The following JAKMIP3 variants were observed in gnomAD, a reference collection of about 807,000 sequenced individuals.
JAKMIP3 encodes janus kinase and microtubule-interacting protein 3.
In JAKMIP3, 58 loss-of-function variants were observed where a neutral mutation model predicts 118.5. That is an observed-to-expected ratio of 0.49 (90% CI 0.40 to 0.61). The LOEUF (loss-of-function observed/expected upper bound fraction) is 0.61. JAKMIP3 is among the 20% of genes least tolerant of loss of function. The pLI, the probability that JAKMIP3 is intolerant of heterozygous loss-of-function variation, is 0.00. For synonymous variants in JAKMIP3, 486 were observed against 451.2 expected, an observed-to-expected ratio of 1.08 and a Z score of -0.98; for missense variants, 950 against 1,109.0, an observed-to-expected ratio of 0.86 and a Z score of 2.04.
chr10:132,126,320 C>T (rs1408563151), intron 3 of JAKMIP3, among the ~76,000 whole-genome samples: 15 of 144,884 alleles, frequency 1.0e-4, no homozygotes, highest in African/African-American at 3.4e-4. Context: ...TTTTTTTTTC[C>T]TGGACACGGT....
At chr10:132,059,661 C>T (rs550814191) in intron 1 of JAKMIP3, among the ~76,000 whole-genome samples, 1 of 152,348 alleles carries the variant, frequency 6.6e-6, no homozygotes, top group East Asian at 1.9e-4. Context: ...AGGATCGCAG[C>T]AGGCGCTTAG....
chr10:132,114,653 A>G (rs898119200), intron 2 of JAKMIP3, among the ~76,000 whole-genome samples: 3 of 152,246 alleles, frequency 2.0e-5, no homozygotes, highest in South Asian at 2.1e-4. Flanking sequence ...AAGCTTCTAT[A>G]CATTGAATTG....
rs1432337561 is a variant in JAKMIP3 at position 132,135,153 on chromosome 10, A to G, written c.962A>G (p.Asn321Ser). The G allele has an allele frequency of 1.9e-6, 3 of 1,607,330 alleles. No individual in the cohort carries two copies. Among genetic ancestry groups the G allele is most frequent in the African/African-American group, 1.3e-5 (1 of 74,990 alleles). ...DRNALLSEERNELLKRVREAE... is the reference protein window; with the variant it reads ...DRNALLSEERSELLKRVREAE... ...AATGCATTGCTGTCGGAAGAGAGGA[A>G]TGAGCTGGTGAGCGCGGGCGGGGGC... The change falls in exon 5 of 24, where the codon AAT becomes AGT. Residue 321 changes from asparagine to serine, a missense_variant. Transcript: ENST00000684848.
At chr10:132,175,975 G>C (rs893820467) in intron 23 of JAKMIP3, among the ~76,000 whole-genome samples, 6 of 152,366 alleles carry the variant, frequency 3.9e-5, no homozygotes, top group African/African-American at 1.4e-4. Flanking sequence ...CTTTGGGGCT[G>C]TCCCCTCCCA....
chr10:132,180,840 T>C (rs2061340214), intron 23 of JAKMIP3, among the ~76,000 whole-genome samples: 1 of 151,340 alleles, frequency 6.6e-6, no homozygotes, highest in Admixed American at 6.6e-5. Flanking sequence ...ATATATCGTG[T>C]GCATGTGTGT....
rs985425481 is a variant in JAKMIP3 at position 132,145,535 on chromosome 10, A to G, written c.1704A>G (p.Glu568=). ...TTTGCAAGGATATGAAGTGGATTGA[A>G]GAGAAGCAGGCACTGTACCGGAGAA... The part of the protein sequence containing the change: ...AEQGQDMKWI[E]EKQALYRRNQ... Residue 568 remains glutamate, a synonymous_variant, in exon 13 of 24, where the codon GAA becomes GAG. Transcript: ENST00000684848. 6.4e-7 allele frequency: 1 copy of G among 1,562,626 alleles called. No individual in the cohort carries two copies. The highest frequency in any genetic ancestry group is 8.7e-7 in the Non-Finnish European group (1 of 1,153,318).
chr10:132,135,300 G>C, intron 5 of JAKMIP3, 140 bp downstream of exon 5: 1 of 861,794 alleles, frequency 1.2e-6, no homozygotes, highest in Middle Eastern at 3.6e-4. Flanking sequence ...TCTCCTGACT[G>C]TGTTCCAGTT....
intron 3 of JAKMIP3, among the ~76,000 whole-genome samples, chr10:132,119,486 G>A (rs991099203): frequency 2.0e-5 from 3 of 152,106 alleles, no homozygotes; most frequent in East Asian, 1.9e-4. Flanking sequence ...TTCAAAAACC[G>A]TCTCCCCCTT....
chr10:132,165,417 C>A lies in JAKMIP3; in HGVS notation c.2490+682C>A, dbSNP rs758574482. Among the ~76,000 whole-genome samples the A allele has an allele frequency of 5.8e-4, 88 of 152,308 alleles. 1 individual carries two copies. Among genetic ancestry groups the A allele is most frequent in the Non-Finnish European group, 1.1e-3 (72 of 68,030 alleles). ...TGTCTGGGGGTGACAGTGTTCACTCCATTGTGATTGGTCCTGGGGGCCCGG... is the reference window on the plus strand; with the variant it reads ...TGTCTGGGGGTGACAGTGTTCACTCAATTGTGATTGGTCCTGGGGGCCCGG... On this transcript the variant is annotated intron_variant, in intron 21 of 23. Coordinates refer to ENST00000684848, the MANE Select transcript of JAKMIP3 (RefSeq NM_001323087.2).
At chr10:132,172,991 CT>C in intron 23 of JAKMIP3, among the ~76,000 whole-genome samples, 5 of 32,816 alleles carry the variant, frequency 1.5e-4, no homozygotes, top group South Asian at 1.1e-3. Flanking sequence ...CTCTCTCTCT[CT>C]CTCCTTCCCT....
Position 132,171,648 on chromosome 10 carries a change from C to CTTTTTT in JAKMIP3, c.*1103+2618_*1103+2619insTTTTTT, listed in dbSNP as rs1324091102. Reference sequence around the variant, plus strand: ...CCTGATGTCCCTGTCTTATTTTTTTCTTTCTTTTTTTTTTTTTTTTTTGAG... The same window carrying CTTTTTT: ...CCTGATGTCCCTGTCTTATTTTTTTCTTTTTTTTTCTTTTTTTTTTTTTTTTTTGAG... On this transcript the variant is annotated intron_variant, in intron 23 of 23. Transcript: ENST00000684848. 2.4e-5 allele frequency among the ~76,000 whole-genome samples: 3 copies of CTTTTTT among 125,584 alleles called. No homozygotes were observed. In the South Asian group the frequency reaches 7.2e-4, roughly 30 times the overall value. 82.4% of individuals were successfully genotyped at this position (125,584 alleles called of 152,430 possible). A position where few individuals can be genotyped will look rare whatever the true frequency, so the allele number is the denominator to read the frequency against.
intron 1 of JAKMIP3, among the ~76,000 whole-genome samples, chr10:132,047,329 A>G (rs2037947872): frequency 2.6e-5 from 4 of 152,214 alleles, no homozygotes; most frequent in African/African-American, 9.6e-5. Context: ...CTGGTGCAGC[A>G]TTACTGCGTT....
intron 3 of JAKMIP3, among the ~76,000 whole-genome samples, chr10:132,120,803 A>T (rs1467706316): frequency 3.3e-5 from 5 of 152,118 alleles, no homozygotes; most frequent in Non-Finnish European, 5.9e-5. Flanking sequence ...TTATGAGAGA[A>T]CACCCCGGCC....
chr10:132,171,280 G>C (rs1022679246), intron 23 of JAKMIP3, among the ~76,000 whole-genome samples: 3 of 152,196 alleles, frequency 2.0e-5, no homozygotes, highest in Admixed American at 6.5e-5. Context: ...TGTCAGGAAA[G>C]AGCTACTACC....
chr10:132,151,811 C>T (rs61864447), intron 16 of JAKMIP3, among the ~76,000 whole-genome samples: 5,346 of 152,186 alleles, frequency 0.035, 254 homozygotes, highest in African/African-American at 0.12. Flanking sequence ...TGTCACAGAG[C>T]CCAGGGACAG....
At position 132,112,638 on chromosome 10, in the gene JAKMIP3, C is replaced by T. The variant is rs867930443; in HGVS notation, c.136-4439C>T. Among the ~76,000 whole-genome samples the T allele has an allele frequency of 2.0e-5, 3 of 152,186 alleles. No individual in the cohort carries two copies. Among genetic ancestry groups the T allele is most frequent in the African/African-American group, 7.2e-5 (3 of 41,448 alleles). ...GAAGTCTCCTGCCTTCCCCTGGGGA[C>T]TGTCTGCTTATTACTGTGGGTACCT... is the stretch of plus-strand genomic sequence containing the variant. On this transcript the variant is annotated intron_variant, in intron 2 of 23. Transcript: ENST00000684848. This position sits in a 1 kb window ranked among gnomAD's most constrained non-coding sequence, Gnocchi z 4.3.
intron 9 of JAKMIP3, among the ~76,000 whole-genome samples, chr10:132,139,372 G>A (rs1328024676): frequency 1.0e-5 from 1 of 95,726 alleles, no homozygotes; most frequent in Non-Finnish European, 2.2e-5. Context: ...GTCTGTACGT[G>A]TGTGAGTATG....
In JAKMIP3 at chr10:132,182,931, T is replaced by G. The variant is rs1590075024; in HGVS notation, c.*1678T>G. The G allele has an allele frequency of 6.6e-6, 1 of 152,174 alleles. No homozygotes were observed. 9.4% of individuals were successfully genotyped at this position (152,174 alleles called of 1,614,324 possible). ...TGGAAAATGCACTATTAATCAGCAC[T>G]TGTCCAAGAAAGACCCATCCATTTC... On this transcript the variant is annotated 3_prime_UTR_variant, in exon 24 of 24. Transcript: ENST00000684848.
At chr10:132,176,865 C>T (rs2094411952) in intron 23 of JAKMIP3, among the ~76,000 whole-genome samples, 1 of 152,046 alleles carries the variant, frequency 6.6e-6, no homozygotes, top group Non-Finnish European at 1.5e-5. Flanking sequence ...GGTGCCGCGA[C>T]TCCTCATGGG....
Sources: gnomAD v4.1 joint callset for allele counts (sites outside exome capture counted in the v4.1 genomes callset) on GRCh38, gnomAD v4.1.1 for gene constraint, Gnocchi (gnomAD v3.1) non-coding constraint, MANE v1.5 for transcripts, NCBI Gene and HGNC (gene_info 2026-07-23, HGNC 2026-07-21) for gene names.